The following SI variants were observed in gnomAD, a reference collection of about 807,000 sequenced individuals.
The protein encoded by SI is sucrase-isomaltase, intestinal.
Under a neutral mutation model 253.3 loss-of-function variants are expected in SI, and 235 were observed. The observed-to-expected ratio is 0.93, with a 90% confidence interval of 0.83 to 1.03. The LOEUF (loss-of-function observed/expected upper bound fraction) is 1.03. Among genes scored for constraint, SI ranks in the 50% least tolerant of loss-of-function variants. SI has a pLI of 0.00. For synonymous variants in SI, 819 were observed against 712.0 expected (o/e 1.15, Z -2.39); for missense variants, 2,442 against 2,211.1 (o/e 1.10, Z -2.09).
intron 44 of SI, among the ~76,000 whole-genome samples, 175 bp downstream of exon 44, chr3:164,991,178 T>A (rs1160613825): frequency 6.6e-6 from 1 of 152,148 alleles, no homozygotes; most frequent in Admixed American, 6.6e-5. Flanking sequence ...TTCCTGTTTC[T>A]TGCTATGCTA....
At chr3:164,984,024 C>T (rs944549940) in intron 45 of SI, among the ~76,000 whole-genome samples, 4 of 151,984 alleles carry the variant, frequency 2.6e-5, no homozygotes, top group African/African-American at 9.7e-5. Context: ...TATTATTATT[C>T]CCACCGTATA....
In SI at chr3:165,049,839, T is replaced by C. The variant is rs1713336113; in HGVS notation, c.1549A>G (p.Thr517Ala). The part of the protein sequence containing the change: ...NEVSSFIQGS[T>A]KGCNVNKLNY... ...AATTTGTTTACATTACATCCTTTTGTTGAACCTTGAATAAAGCTGGAAACT... is the reference window on the plus strand; with the variant it reads ...AATTTGTTTACATTACATCCTTTTGCTGAACCTTGAATAAAGCTGGAAACT... Residue 517 changes from threonine to alanine, a missense_variant, in exon 14 of 48, where the codon ACA (threonine) becomes GCA (alanine). Thr to Ala is a moderately conservative substitution (Grantham distance 58). Transcript: ENST00000264382. The C allele has an allele frequency of 6.2e-7, 1 of 1,609,182 alleles. No homozygotes were observed. Among genetic ancestry groups the C allele is most frequent in the Non-Finnish European group, 8.5e-7 (1 of 1,176,226 alleles).
rs1245872404 is a variant in SI, at chr3:164,992,382, T to C, written c.4857A>G (p.Lys1619=). The change falls in exon 42 of 48, where the codon AAA becomes AAG. Residue 1619 remains lysine (K), a synonymous_variant. Coordinates refer to ENST00000264382, the MANE Select transcript of SI (RefSeq NM_001041.4). ...ACTGCTTGAATATATCCCAGGTTGG[T>C]TTTTCATCAAAGAACCTCGACAAAA... ...RPLLHEFFDE[K]PTWDIFKQFL... The C allele has an allele frequency of 3.1e-6, 5 of 1,610,538 alleles. No homozygotes were observed. Among genetic ancestry groups the C allele is most frequent in the South Asian group, 1.1e-5 (1 of 90,272 alleles).
At chr3:165,016,875 T>C (rs1160563956) in intron 31 of SI, among the ~76,000 whole-genome samples, 2 of 151,926 alleles carry the variant, frequency 1.3e-5, no homozygotes, top group Non-Finnish European at 2.9e-5. Flanking sequence ...CCCATACTAG[T>C]TATTCAGGAA....
chr3:165,039,737 AT>A, intron 19 of SI, 149 bp downstream of exon 19: 1 of 652,870 alleles, frequency 1.5e-6, no homozygotes, highest in Non-Finnish European at 2.8e-6. Flanking sequence ...ACATTTTGAA[AT>A]TTGTGTCACA....
intron 2 of SI, among the ~76,000 whole-genome samples, chr3:165,075,437 A>G (rs1472094094): frequency 1.3e-5 from 2 of 151,930 alleles, no homozygotes; most frequent in African/African-American, 4.8e-5. Flanking sequence ...TCTTTTTTCA[A>G]CTTTCCTCTA....
intron 26 of SI, among the ~76,000 whole-genome samples, chr3:165,022,101 C>G (rs1293309955): frequency 6.6e-6 from 1 of 151,380 alleles, no homozygotes; most frequent in Non-Finnish European, 1.5e-5. Context: ...ATTTTAGTTT[C>G]TTCTGTTAAA....
intron 7 of SI, 84 bp downstream of exon 7, chr3:165,065,172 TTAAAA>T: frequency 1.2e-6 from 1 of 861,904 alleles, no homozygotes; most frequent in Non-Finnish European, 1.9e-6. Context: ...AGTTGATCAG[TTAAAA>T]TAAATGCTGT....
chr3:165,062,367 AC>A lies in SI; in HGVS notation c.1020+3del, dbSNP rs746427382. ...AAATTTTATAAAATAGACCTGAAACACACCTGTTGATACTGTTGAACTACTT... is the reference window on the plus strand; with the variant it reads ...AAATTTTATAAAATAGACCTGAAACAACCTGTTGATACTGTTGAACTACTT... On this transcript the variant is annotated splice_donor_region_variant and intron_variant, in intron 9 of 47. Transcript: ENST00000264382. 1 of 1,416,094 alleles carries A rather than the reference AC, an allele frequency of 7.1e-7. No homozygotes were observed. The highest frequency in any genetic ancestry group is 1.0e-6 in the Non-Finnish European group (1 of 1,000,242). 87.7% of individuals were successfully genotyped at this position (1,416,094 alleles called of 1,614,324 possible).
chr3:165,035,591 G>A (rs1011144245), intron 22 of SI, among the ~76,000 whole-genome samples: 1 of 151,216 alleles, frequency 6.6e-6, no homozygotes, highest in African/African-American at 2.4e-5. Flanking sequence ...TTTTCTTCTT[G>A]TTGTCCTTCC....
chr3:165,053,625 C>A (rs1713543045), intron 13 of SI, among the ~76,000 whole-genome samples: 2 of 152,070 alleles, frequency 1.3e-5, no homozygotes, highest in South Asian at 4.1e-4. Context: ...GTTGGAAATA[C>A]TCTGCCTTTC....
chr3:165,035,350 T>G (rs1335448729), intron 22 of SI, among the ~76,000 whole-genome samples: 1 of 151,966 alleles, frequency 6.6e-6, no homozygotes, highest in Non-Finnish European at 1.5e-5. Context: ...TAGCTTGCAT[T>G]GAGAAAATCA....
intron 15 of SI, among the ~76,000 whole-genome samples, chr3:165,047,302 C>G (rs1713174885): frequency 6.6e-6 from 1 of 152,026 alleles, no homozygotes; most frequent in Non-Finnish European, 1.5e-5. Context: ...AACAAGCTCT[C>G]TCTTTGCCTG....
chr3:164,991,969 T>C (rs1283500616), intron 43 of SI, among the ~76,000 whole-genome samples: 1 of 152,112 alleles, frequency 6.6e-6, no homozygotes, highest in African/African-American at 2.4e-5. Flanking sequence ...CTAAAATAAA[T>C]CAATGACTAC....
At chr3:165,060,553 GCT>G (rs1713934374) in intron 9 of SI, among the ~76,000 whole-genome samples, 1 of 151,790 alleles carries the variant, frequency 6.6e-6, no homozygotes, top group East Asian at 1.9e-4. Context: ...TATTGCATAG[GCT>G]CTTTCTTATT....
rs1264604545 is a variant in SI at position 165,065,406 on chromosome 3, A to C, written c.662T>G (p.Val221Gly). 3.2e-6 allele frequency: 5 copies of C among 1,563,082 alleles called. No individual in the cohort carries two copies. Among genetic ancestry groups the C allele is most frequent in the Non-Finnish European group, 4.4e-6 (5 of 1,144,822 alleles). Reference sequence around the variant, plus strand: ...GATCTGTAAGTACTGGTCAGAGTACACTAAGGGACCAATGCTGGTGTCAAA... The same window carrying C: ...GATCTGTAAGTACTGGTCAGAGTACCCTAAGGGACCAATGCTGGTGTCAAA... ...TLFDTSIGPL[V>G]YSDQYLQIST... Residue 221 changes from valine to glycine, a missense_variant, in exon 7 of 48, where the codon GTG (valine) becomes GGG (glycine). By Grantham distance (109) the Val-to-Gly change is moderately radical. Coordinates refer to ENST00000264382, the MANE Select transcript of SI (RefSeq NM_001041.4).
chr3:165,045,780 GTTT>G (rs56082194), intron 16 of SI, among the ~76,000 whole-genome samples: 12 of 134,594 alleles, frequency 8.9e-5, no homozygotes, highest in Admixed American at 3.7e-4. Context: ...TTCTTAGGTT[GTTT>G]TTTTTTTTCA....
chr3:165,031,648 A>C (rs1052489438), intron 24 of SI, among the ~76,000 whole-genome samples: 26 of 150,444 alleles, frequency 1.7e-4, no homozygotes, highest in Admixed American at 2.0e-4. Context: ...TATGAGTTAA[A>C]ACAAAAATAT....
At chr3:165,087,152 C>A in the SI span, among the ~76,000 whole-genome samples, 5 of 150,374 alleles carry the variant, frequency 3.3e-5, no homozygotes, top group East Asian at 2.0e-4. Context: ...ACAAAACAAA[C>A]AAACAAAAAA....
Sources: allele counts gnomAD v4.1 joint callset (sites outside exome capture counted in the v4.1 genomes callset), GRCh38; gene constraint gnomAD v4.1.1; transcripts MANE v1.5; gene names NCBI Gene and HGNC (gene_info 2026-07-23, HGNC 2026-07-21).